Variants in EPCAM observed in about 807,000 individuals in gnomAD.
EPCAM encodes the protein adenocarcinoma-associated antigen.
EPCAM carries 39 observed loss-of-function variants against 40.0 expected under a neutral mutation model. The observed-to-expected ratio is 0.98, with a 90% CI of 0.76 to 1.27. The LOEUF is 1.27. EPCAM is among the 50% of genes most tolerant of loss of function. EPCAM has a pLI of 0.00. For missense variants in EPCAM, 503 were observed against 381.2 expected (o/e 1.32, Z -2.66); for synonymous variants, 168 against 132.3 (o/e 1.27, Z -1.85).
Position 47,386,719 on chromosome 2 carries a change from T to C in EPCAM, c.*106T>C. 1 of 873,598 alleles carries C rather than the reference T, an allele frequency of 1.1e-6. No homozygotes were observed. 54.1% of individuals were successfully genotyped at this position (873,598 alleles called of 1,614,324 possible). A position where few individuals can be genotyped will look rare whatever the true frequency, so the allele number is the denominator to read the frequency against. On this transcript the variant is annotated 3_prime_UTR_variant, in exon 9 of 9. Transcript: ENST00000263735. ...TCTTTGAAGGTCATGAGTTTGTTAG[T>C]TTAACATCATATATTTGTAATAGTG...
At chr2:47,378,396 G>A (rs1671485530) in intron 5 of EPCAM, among the ~76,000 whole-genome samples, 2 of 150,468 alleles carry the variant, frequency 1.3e-5, no homozygotes, top group African/African-American at 4.9e-5. Context: ...TTGCCTCCCA[G>A]GTTCAAGCGA....
At chr2:47,377,992 G>A (rs962004216) in intron 5 of EPCAM, among the ~76,000 whole-genome samples, 2 of 152,024 alleles carry the variant, frequency 1.3e-5, no homozygotes, top group Admixed American at 1.3e-4. Flanking sequence ...CAGCACTTTG[G>A]GAGGCCGAGG....
intron 1 of EPCAM, chr2:47,369,891 C>A: frequency 4.2e-6 from 2 of 476,688 alleles, no homozygotes; most frequent in Non-Finnish European, 8.0e-6. Flanking sequence ...GCCACCGAAC[C>A]GGTGCCTCGC....
At chr2:47,370,980 TG>T (rs1289136133) in intron 1 of EPCAM, among the ~76,000 whole-genome samples, 1 of 152,132 alleles carries the variant, frequency 6.6e-6, no homozygotes, top group African/African-American at 2.4e-5. Flanking sequence ...CCCAAAGTGC[TG>T]GGATTACAGA....
At chr2:47,378,299 CTTTTT>C (rs70940676) in intron 5 of EPCAM, among the ~76,000 whole-genome samples, 2 of 118,680 alleles carry the variant, frequency 1.7e-5, no homozygotes, top group Admixed American at 8.7e-5. Flanking sequence ...TTTTTCTTTT[CTTTTT>C]TTTTTTTTTT....
intron 1 of EPCAM, 98 bp downstream of exon 1, chr2:47,369,679 A>G: frequency 8.2e-7 from 1 of 1,225,686 alleles, no homozygotes; most frequent in Non-Finnish European, 1.2e-6. Context: ...TAGGGAGGGG[A>G]CCAAGAGGCC....
At position 47,373,876 on chromosome 2, in the gene EPCAM, G is replaced by A. The variant is rs1671350516; in HGVS notation, c.253G>A (p.Glu85Lys). The A allele has an allele frequency of 6.2e-7, 1 of 1,614,116 alleles. No individual in the cohort carries two copies. The highest frequency in any genetic ancestry group is 2.2e-5 in the East Asian group (1 of 44,884). The change falls in exon 3 of 9, where the codon GAA becomes AAA. Residue 85 changes from glutamate to lysine, a missense_variant. By Grantham distance (56) the Glu-to-Lys change is moderately conservative (BLOSUM62 1). Transcript: ENST00000263735. ...GSKLGRRAKPEGALQNNDGLY... is the reference protein window; with the variant it reads ...GSKLGRRAKPKGALQNNDGLY... The stretch of plus-strand genomic sequence containing the variant: ...AAAACTTGGGAGAAGAGCAAAACCT[G>A]AAGGGGCCCTCCAGAACAATGATGG...
At chr2:47,369,850 G>A (rs773423166) in intron 1 of EPCAM, 49 of 592,500 alleles carry the variant, frequency 8.3e-5, no homozygotes, top group African/African-American at 7.0e-4. Flanking sequence ...GACAGGCAGG[G>A]AACGGAGTGG....
intron 7 of EPCAM, chr2:47,383,376 T>TC (rs1671647350): frequency 6.6e-6 from 1 of 150,620 alleles, no homozygotes; most frequent in South Asian, 2.1e-4. Flanking sequence ...TGATCTCGGC[T>TC]CACTGCAGCC....
chr2:47,385,088 T>C, intron 7 of EPCAM, 78 bp from the exon 8 acceptor site: 1 of 1,072,204 alleles, frequency 9.3e-7, no homozygotes, highest in Admixed American at 1.7e-5. Context: ...TTATGTCCAT[T>C]AAAAGCATAT....
Position 47,379,694 on chromosome 2 carries a change from A to G in EPCAM, c.658-75A>G, listed in dbSNP as rs1005676020. Reference sequence around the variant, plus strand: ...TTGGCAGCGGTTCTTTTGGCATACAATTTGTATGTAATTATATGTGGCCAT... The same window carrying G: ...TTGGCAGCGGTTCTTTTGGCATACAGTTTGTATGTAATTATATGTGGCCAT... On this transcript the variant is annotated intron_variant, in intron 6 of 8. Transcript: ENST00000263735. 5.2e-6 allele frequency: 8 copies of G among 1,535,110 alleles called. No homozygotes were observed. In the Admixed American group the frequency reaches 5.3e-5, roughly 10 times the overall value.
intron 7 of EPCAM, among the ~76,000 whole-genome samples, chr2:47,383,646 T>C (rs1459311917): frequency 1.1e-5 from 1 of 87,912 alleles, no homozygotes; most frequent in Non-Finnish European, 2.1e-5. Context: ...TTTTTTTTTT[T>C]TTTTTTGAGA....
intron 1 of EPCAM, among the ~76,000 whole-genome samples, chr2:47,370,434 C>G (rs1671228332): frequency 6.6e-6 from 1 of 151,420 alleles, no homozygotes; most frequent in Non-Finnish European, 1.5e-5. Flanking sequence ...GCGCCACCAC[C>G]CCCCGCTAAT....
chr2:47,375,154 G>T (rs963662026), intron 3 of EPCAM, 80 bp from the exon 4 acceptor site: 13 of 1,083,820 alleles, frequency 1.2e-5, no homozygotes, highest in Non-Finnish European at 1.8e-5. Flanking sequence ...TATAATTCGA[G>T]AATTTTAGGA....
intron 6 of EPCAM, 121 bp downstream of exon 6, chr2:47,379,175 G>A (rs1053068429): frequency 1.8e-5 from 12 of 684,196 alleles, no homozygotes; most frequent in South Asian, 4.8e-5. Context: ...CGCTGCTGCC[G>A]TTAATTTTGT....
chr2:47,379,675 G>T, intron 6 of EPCAM, 94 bp from the exon 7 acceptor site: 2 of 1,372,966 alleles, frequency 1.5e-6, no homozygotes. Flanking sequence ...ATTCTTGGCA[G>T]CGGTTCTTTT....
intron 8 of EPCAM, among the ~76,000 whole-genome samples, chr2:47,385,564 A>C (rs1558441485): frequency 6.6e-6 from 1 of 152,212 alleles, no homozygotes. Context: ...ATGCCAGTGA[A>C]ATAATCATTT....
At chr2:47,385,068 C>T in intron 7 of EPCAM, 98 bp from the exon 8 acceptor site, 1 of 946,004 alleles carries the variant, frequency 1.1e-6, no homozygotes, top group Non-Finnish European at 1.7e-6. Flanking sequence ...AGTTTTTTTT[C>T]AGATCAAAAT....
rs1377468572 is a variant in EPCAM, at chr2:47,383,701, C to A, written c.859-1465C>A. On this transcript the variant is annotated intron_variant, in intron 7 of 8. Transcript: ENST00000263735. ...CCAGGCTGGAGTGCAGTGGCACGAT[C>A]TCGGCTCACTGCAACCTCCATCTCC... Among the ~76,000 whole-genome samples, 5 of 129,302 alleles carry A rather than the reference C, an allele frequency of 3.9e-5. No individual in the cohort carries two copies. In the East Asian group the frequency reaches 1.3e-3, roughly 33 times the overall value. The allele number at this position is 129,302 out of a possible 152,430, so 84.8% of individuals were successfully genotyped here.
Sources: allele counts gnomAD v4.1 joint callset (sites outside exome capture counted in the v4.1 genomes callset), GRCh38; gene constraint gnomAD v4.1.1; transcripts MANE v1.5; gene names NCBI Gene and HGNC (gene_info 2026-07-23, HGNC 2026-07-21).